The following PCDHGB3 variants were observed in gnomAD, a reference collection of about 807,000 sequenced individuals.
PCDHGB3 encodes the protein protocadherin gamma-B3.
A neutral mutation model predicts 59.2 loss-of-function variants in PCDHGB3; 40 were observed. The ratio of observed to expected loss-of-function variants is 0.68; its 90% CI spans 0.52 to 0.88. The LOEUF (loss-of-function observed/expected upper bound fraction) is 0.88. Among genes scored for constraint, PCDHGB3 ranks in the 40% least tolerant of loss-of-function variants. The pLI, the probability that PCDHGB3 is intolerant of heterozygous loss-of-function variation, is 0.00. For missense variants in PCDHGB3, 1,309 were observed against 1,187.9 expected, an observed-to-expected ratio of 1.10 and a Z score of -1.50; for synonymous variants, 581 against 503.6, an observed-to-expected ratio of 1.15 and a Z score of -2.06.
chr5:141,415,740 GTTTTTTTTTTTTTT>G (rs57426385), intron 1 of PCDHGB3: 52 of 625,016 alleles, frequency 8.3e-5, no homozygotes, highest in East Asian at 4.1e-4. Context: ...GTTTATTAAG[GTTTTTTTTTTTTTT>G]TTTTTTTTTT....
In PCDHGB3 at chr5:141,431,841, C is replaced by T; in HGVS notation, c.2415+59032C>T. The T allele has an allele frequency of 6.2e-7, 1 of 1,614,246 alleles. No homozygotes were observed. Among genetic ancestry groups the T allele is most frequent in the Non-Finnish European group, 8.5e-7 (1 of 1,180,044 alleles). ...GCCAGCTCGGTTCCCGAAAACTCTC[C>T]CAGAGGGACATTAATTGCCCTTTTA... On this transcript the variant is annotated intron_variant, in intron 1 of 3. Coordinates refer to ENST00000576222, the MANE Select transcript of PCDHGB3 (RefSeq NM_018924.5). The surrounding 1 kb of genome is among the most constrained non-coding windows in gnomAD (Gnocchi z 4.8).
chr5:141,399,528 C>T (rs749580875), intron 1 of PCDHGB3: 10 of 1,613,928 alleles, frequency 6.2e-6, no homozygotes, highest in Non-Finnish European at 7.6e-6. Context: ...GGGCCTCCAT[C>T]GCGCAAGTCT....
At chr5:141,437,345 A>T (rs1018513998) in intron 1 of PCDHGB3, among the ~76,000 whole-genome samples, 2 of 152,252 alleles carry the variant, frequency 1.3e-5, no homozygotes, top group Non-Finnish European at 2.9e-5. Context: ...TCACTGTTTT[A>T]TAGTACCTAA....
At chr5:141,438,232 GT>G (rs531572606) in intron 1 of PCDHGB3, among the ~76,000 whole-genome samples, 207 of 152,154 alleles carry the variant, frequency 1.4e-3, no homozygotes, top group Middle Eastern at 0.01. Flanking sequence ...TCAGGAAAAT[GT>G]TTTTAAAAAA....
At chr5:141,414,143 T>C (rs887054185) in intron 1 of PCDHGB3, 1 of 1,597,122 alleles carries the variant, frequency 6.3e-7, no homozygotes, top group Non-Finnish European at 8.5e-7. Flanking sequence ...GAAATAGAAA[T>C]ACAAGCAGAA....
chr5:141,410,793 G>T, intron 1 of PCDHGB3: 2 of 637,704 alleles, frequency 3.1e-6, no homozygotes, highest in Admixed American at 4.3e-5. Flanking sequence ...TGGTTCATAA[G>T]TTGCTCTATC....
rs1393235114 is a variant in PCDHGB3, at chr5:141,476,581, G to T, written c.2416-18226G>T. ...CCGTGGCTCCGGGGACGCGCTTTCC[G>T]CTCGAGAGCGCGCACGATCCCGATG... On this transcript the variant is annotated intron_variant, in intron 1 of 3. Transcript: ENST00000576222. This position sits in a 1 kb window ranked among gnomAD's most constrained non-coding sequence, Gnocchi z 7.6. 8.7e-6 allele frequency: 14 copies of T among 1,614,112 alleles called. No homozygotes were observed. The Admixed American group carries it at 2.2e-4, about 25-fold the overall frequency.
At chr5:141,510,155 C>G (rs1044168112) in intron 3 of PCDHGB3, among the ~76,000 whole-genome samples, 2 of 151,942 alleles carry the variant, frequency 1.3e-5, no homozygotes, top group African/African-American at 4.8e-5. Context: ...CACCTGTAAT[C>G]TCAGCTACTC....
chr5:141,465,021 C>A (rs974818222), intron 1 of PCDHGB3, among the ~76,000 whole-genome samples: 1 of 152,100 alleles, frequency 6.6e-6, no homozygotes, highest in Non-Finnish European at 1.5e-5. Flanking sequence ...AGATTACAGC[C>A]ATGAACCACC....
chr5:141,430,881 A>G, intron 1 of PCDHGB3: 4 of 1,600,896 alleles, frequency 2.5e-6, no homozygotes, highest in Non-Finnish European at 3.4e-6. Flanking sequence ...GAGCTGGAGA[A>G]AGGCTCTAGG....
chr5:141,422,150 T>A (rs773805631), intron 1 of PCDHGB3: 1 of 1,577,174 alleles, frequency 6.3e-7, no homozygotes, highest in Non-Finnish European at 8.6e-7. Context: ...CGGGGGTCTC[T>A]GGATTTTGAA....
At chr5:141,375,110 A>C in intron 1 of PCDHGB3, 1 of 1,613,972 alleles carries the variant, frequency 6.2e-7, no homozygotes, top group Non-Finnish European at 8.5e-7. Flanking sequence ...TGTCAATGAT[A>C]ATGTACCAGA....
At chr5:141,463,108 T>G (rs1212278355) in intron 1 of PCDHGB3, among the ~76,000 whole-genome samples, 1 of 152,202 alleles carries the variant, frequency 6.6e-6, no homozygotes, top group Non-Finnish European at 1.5e-5. Flanking sequence ...CATCAAGAAT[T>G]CAGCTAATAG....
At chr5:141,387,533 C>A (rs2090979640) in intron 1 of PCDHGB3, among the ~76,000 whole-genome samples, 1 of 152,192 alleles carries the variant, frequency 6.6e-6, no homozygotes, top group African/African-American at 2.4e-5. Flanking sequence ...GACGTATCCA[C>A]GTAGTTTTTG....
chr5:141,414,420 C>G, intron 1 of PCDHGB3: 1 of 1,613,822 alleles, frequency 6.2e-7, no homozygotes, highest in Non-Finnish European at 8.5e-7. Flanking sequence ...GAGCCCTTGA[C>G]AGGGAACAGG....
At chr5:141,375,246 G>C in intron 1 of PCDHGB3, 1 of 1,613,930 alleles carries the variant, frequency 6.2e-7, no homozygotes, top group South Asian at 1.1e-5. Flanking sequence ...TCCATCCCGA[G>C]AAGTCTCCCA....
Position 141,491,910 on chromosome 5 carries a change from G to A in PCDHGB3, c.2416-2897G>A, listed in dbSNP as rs946745903. 1.4e-5 allele frequency: 19 copies of A among 1,406,944 alleles called. No individual in the cohort carries two copies. The South Asian group carries it at 2.6e-4, about 19-fold the overall frequency. 87.2% of individuals were successfully genotyped at this position (1,406,944 alleles called of 1,614,324 possible). On this transcript the variant is annotated intron_variant, in intron 1 of 3. Transcript: ENST00000576222. This position sits in a 1 kb window ranked among gnomAD's most constrained non-coding sequence, Gnocchi z 6.9. ...GGCTCCGAGCACCGGGGGTGGTGGCGACTGTGGGCGAGGGGAGGTGGGACC... is the reference window on the plus strand; with the variant it reads ...GGCTCCGAGCACCGGGGGTGGTGGCAACTGTGGGCGAGGGGAGGTGGGACC...
At chr5:141,393,088 G>A in intron 1 of PCDHGB3, 3 of 1,613,648 alleles carry the variant, frequency 1.9e-6, no homozygotes, top group Non-Finnish European at 2.5e-6. Context: ...AGGATAGATC[G>A]GGAGGAGCTC....
chr5:141,459,162 T>A (rs1408033955), intron 1 of PCDHGB3, among the ~76,000 whole-genome samples: 3 of 152,224 alleles, frequency 2.0e-5, no homozygotes, highest in African/African-American at 7.2e-5. Context: ...AACATTTCTA[T>A]AACCTTCAAA....
Sources: allele counts gnomAD v4.1 joint callset (sites outside exome capture counted in the v4.1 genomes callset), GRCh38; gene constraint gnomAD v4.1.1; non-coding constraint Gnocchi (gnomAD v3.1); transcripts MANE v1.5; gene names NCBI Gene and HGNC (gene_info 2026-07-23, HGNC 2026-07-21).